Variants in CARS1 observed in about 807,000 individuals in gnomAD.
CARS1 encodes cysteine--tRNA ligase, cytoplasmic.
CARS1 carries 48 observed loss-of-function variants against 106.2 expected under a neutral mutation model. That is an observed-to-expected ratio of 0.45 (90% CI 0.36 to 0.57). The LOEUF (loss-of-function observed/expected upper bound fraction) is 0.57. Among genes scored for constraint, CARS1 ranks in the 20% least tolerant of loss-of-function variants. The probability of loss-of-function intolerance (pLI) is 0.00; values close to 1 mark genes in which losing one functional copy is unlikely to be tolerated. For missense variants in CARS1, 968 were observed against 1,057.2 expected (o/e 0.92, Z 1.17); for synonymous variants, 409 against 403.4 (o/e 1.01, Z -0.17).
intron 1 of CARS1, chr11:3,055,052 T>A (rs1856062093): frequency 2.9e-6 from 2 of 685,464 alleles, no homozygotes; most frequent in South Asian, 3.1e-5. Flanking sequence ...GTACACCCAG[T>A]GAGATCAGGA....
At chr11:3,024,439 TA>T (rs1351657700) in intron 10 of CARS1, among the ~76,000 whole-genome samples, 1 of 150,460 alleles carries the variant, frequency 6.6e-6, no homozygotes, top group East Asian at 2.0e-4. Context: ...TTTTTTATTT[TA>T]AAAAAAAAAT....
chr11:3,013,136 C>G (rs1008607038), intron 17 of CARS1, among the ~76,000 whole-genome samples: 2 of 151,666 alleles, frequency 1.3e-5, no homozygotes, highest in African/African-American at 4.8e-5. Flanking sequence ...GATCTGCCCG[C>G]CTTGGCCTCC....
chr11:3,038,915 G>C lies in CARS1; in HGVS notation c.651+279C>G, dbSNP rs1317619465. Reference sequence around the variant, plus strand: ...AATATTGGTAAGCATTTTTATAAGTGTAATTAGTGGCACTGTGATGAATTC... The same window carrying C: ...AATATTGGTAAGCATTTTTATAAGTCTAATTAGTGGCACTGTGATGAATTC... On this transcript the variant is annotated intron_variant, in intron 6 of 22. Coordinates refer to ENST00000380525, the MANE Select transcript of CARS1 (RefSeq NM_001014437.3). This position sits in a 1 kb window ranked among gnomAD's most constrained non-coding sequence, Gnocchi z 4.0. Among the ~76,000 whole-genome samples, 1 of 152,074 alleles carries C rather than the reference G, an allele frequency of 6.6e-6. No individual in the cohort carries two copies. The highest frequency in any genetic ancestry group is 2.4e-5 in the African/African-American group (1 of 41,368).
chr11:3,013,901 CACG>C (rs1049253964), intron 17 of CARS1, among the ~76,000 whole-genome samples: 4 of 152,116 alleles, frequency 2.6e-5, no homozygotes, highest in African/African-American at 9.7e-5. Context: ...GCTCAGCGGC[CACG>C]ACACAGGGCA....
intron 19 of CARS1, among the ~76,000 whole-genome samples, chr11:3,005,909 C>T (rs1849817048): frequency 6.6e-6 from 1 of 151,940 alleles, no homozygotes; most frequent in Non-Finnish European, 1.5e-5. Context: ...CCACACCTGG[C>T]GAGAACATTT....
In CARS1 at chr11:3,001,233, CAT is replaced by C; in HGVS notation, c.2375_2376del (p.His792ArgfsTer84). On this transcript the variant is annotated frameshift_variant, in exon 23 of 23. Coordinates refer to ENST00000380525, the MANE Select transcript of CARS1 (RefSeq NM_001014437.3). LOFTEE classifies it high-confidence loss of function. ...SKFDENGLPT[H>X]DMEGKELSKG... ...TTGCTGAGCTCTTTGCCCTCCATGT[CAT>C]GTGTGGGCAGACCCTGAAAACCCAG... is the stretch of plus-strand genomic sequence containing the variant. 1 of 1,613,758 alleles carries C rather than the reference CAT, an allele frequency of 6.2e-7. No homozygotes were observed. Among genetic ancestry groups the C allele is most frequent in the Non-Finnish European group, 8.5e-7 (1 of 1,180,032 alleles).
At chr11:3,006,652 A>G (rs1849893391) in intron 19 of CARS1, among the ~76,000 whole-genome samples, 1 of 152,152 alleles carries the variant, frequency 6.6e-6, no homozygotes, top group Non-Finnish European at 1.5e-5. Flanking sequence ...TGCGCAGGGG[A>G]GGTGACACCA....
intron 2 of CARS1, 174 bp from the exon 3 acceptor site, chr11:3,042,430 C>CTTT: frequency 1.2e-5 from 6 of 508,418 alleles, no homozygotes; most frequent in African/African-American, 2.0e-5. Flanking sequence ...ACAACTGCGT[C>CTTT]TTTTTTTTTT....
In CARS1 at chr11:3,019,211, A is replaced by G; in HGVS notation, c.1323T>C (p.Ala441=). The G allele has an allele frequency of 6.6e-7, 1 of 1,510,102 alleles. No individual in the cohort carries two copies. Among genetic ancestry groups the G allele is most frequent in the Non-Finnish European group, 8.9e-7 (1 of 1,128,058 alleles). The allele number at this position is 1,510,102 out of a possible 1,614,324, so 93.5% of individuals were successfully genotyped here. ...CSAMAGTLLG[A]SMDIHGGGFD... Reference sequence around the variant, plus strand: ...ACCCACCTCCGTGAATGTCCATCGAAGCCCCTAGGAGGGTGCCTGCCATGG... The same window carrying G: ...ACCCACCTCCGTGAATGTCCATCGAGGCCCCTAGGAGGGTGCCTGCCATGG... The change falls in exon 12 of 23, where the codon GCT becomes GCC. Residue 441 remains alanine, a synonymous_variant. Transcript: ENST00000380525. This position sits in a 1 kb window ranked among gnomAD's most constrained non-coding sequence, Gnocchi z 6.2.
Position 3,041,300 on chromosome 11 carries a change from C to T in CARS1, c.367-316G>A, listed in dbSNP as rs144518212. On this transcript the variant is annotated intron_variant, in intron 3 of 22. Coordinates refer to ENST00000380525, the MANE Select transcript of CARS1 (RefSeq NM_001014437.3). This position sits in a 1 kb window ranked among gnomAD's most constrained non-coding sequence, Gnocchi z 4.9. ...TGCTGCTTATTTAACAATAACACAG[C>T]TAATATTTACTGAGTACCTACCATG... 1,446 of 366,902 alleles carry T rather than the reference C, an allele frequency of 3.9e-3. 21 individuals carry two copies. Among genetic ancestry groups the T allele is most frequent in the African/African-American group, 0.028 (1,338 of 47,614 alleles). 22.7% of individuals were successfully genotyped at this position (366,902 alleles called of 1,614,324 possible). A position where few individuals can be genotyped will look rare whatever the true frequency, so the allele number is the denominator to read the frequency against.
chr11:3,003,487 T>G lies in CARS1; in HGVS notation c.2218-887A>C, dbSNP rs966670682. On this transcript the variant is annotated intron_variant, in intron 20 of 22. Coordinates refer to ENST00000380525, the MANE Select transcript of CARS1 (RefSeq NM_001014437.3). This position sits in a 1 kb window ranked among gnomAD's most constrained non-coding sequence, Gnocchi z 4.8. ...GGTAGGCAGCTGGGCAAACTGTTTTTGGGCCACCGGCTACAAGATAGATGG... is the reference window on the plus strand; with the variant it reads ...GGTAGGCAGCTGGGCAAACTGTTTTGGGGCCACCGGCTACAAGATAGATGG... Among the ~76,000 whole-genome samples the G allele has an allele frequency of 6.6e-5, 10 of 152,224 alleles. 1 individual carries two copies. The highest frequency in any genetic ancestry group is 2.4e-4 in the African/African-American group (10 of 41,538).
chr11:3,020,398 C>T lies in CARS1; in HGVS notation c.1154-66G>A, dbSNP rs1332018748. 1 of 937,026 alleles carries T rather than the reference C, an allele frequency of 1.1e-6. No individual in the cohort carries two copies. The highest frequency in any genetic ancestry group is 1.8e-6 in the Non-Finnish European group (1 of 569,138). The allele number at this position is 937,026 out of a possible 1,614,324, so 58.0% of individuals were successfully genotyped here. On this transcript the variant is annotated intron_variant, in intron 10 of 22. Coordinates refer to ENST00000380525, the MANE Select transcript of CARS1 (RefSeq NM_001014437.3). The surrounding 1 kb of genome is among the most constrained non-coding windows in gnomAD (Gnocchi z 4.6). Reference sequence around the variant, plus strand: ...ACCCACAGACCCACATGTCTCACTTCAAGGCCATCCACGGTGCCTAATGGG... The same window carrying T: ...ACCCACAGACCCACATGTCTCACTTTAAGGCCATCCACGGTGCCTAATGGG...
In CARS1 at chr11:3,004,911, G is replaced by C. The variant is rs534416614; in HGVS notation, c.2217+455C>G. Among the ~76,000 whole-genome samples, 36 of 152,168 alleles carry C rather than the reference G, an allele frequency of 2.4e-4. No homozygotes were observed. In the South Asian group the frequency reaches 2.5e-3, roughly 11 times the overall value. Reference sequence around the variant, plus strand: ...TCACGAGGTCAGGAGATTGAGACCAGCCTGACCAACATGGTGAAACCCCAT... The same window carrying C: ...TCACGAGGTCAGGAGATTGAGACCACCCTGACCAACATGGTGAAACCCCAT... On this transcript the variant is annotated intron_variant, in intron 20 of 22. Transcript: ENST00000380525. This position sits in a 1 kb window ranked among gnomAD's most constrained non-coding sequence, Gnocchi z 5.2.
intron 1 of CARS1, among the ~76,000 whole-genome samples, chr11:3,049,883 G>C (rs538262755): frequency 2.0e-5 from 3 of 152,146 alleles, no homozygotes; most frequent in Non-Finnish European, 2.9e-5. Flanking sequence ...GTGTTGCGGG[G>C]GTAACTGCAC....
At position 3,041,751 on chromosome 11, in the gene CARS1, G is replaced by C. The variant is rs1854483911; in HGVS notation, c.366+414C>G. On this transcript the variant is annotated intron_variant, in intron 3 of 22. Transcript: ENST00000380525. This position sits in a 1 kb window ranked among gnomAD's most constrained non-coding sequence, Gnocchi z 4.9. ...TCCTGCCTTCTTCTCAAAACCTGCT[G>C]TGCTCCCAACAACATCCAGCCAGTT... Among the ~76,000 whole-genome samples, 1 of 152,170 alleles carries C rather than the reference G, an allele frequency of 6.6e-6. No individual in the cohort carries two copies. The highest frequency in any genetic ancestry group is 2.4e-5 in the African/African-American group (1 of 41,432).
chr11:3,007,120 C>T, intron 18 of CARS1, 161 bp from the exon 19 acceptor site: 8 of 629,842 alleles, frequency 1.3e-5, no homozygotes, highest in South Asian at 1.1e-4. Flanking sequence ...ACGAGTACCT[C>T]CTCCAGTGCT....
chr11:3,034,634 A>T lies in CARS1; in HGVS notation c.801+3416T>A, dbSNP rs900561042. ...AACCTCTGACTCCCTGGTTCAAGGG[A>T]TTCTCCCACCTCAGCCTCCCAAGTA... On this transcript the variant is annotated intron_variant, in intron 7 of 22. Coordinates refer to ENST00000380525, the MANE Select transcript of CARS1 (RefSeq NM_001014437.3). The surrounding 1 kb of genome is among the most constrained non-coding windows in gnomAD (Gnocchi z 6.3). Among the ~76,000 whole-genome samples the T allele has an allele frequency of 6.6e-6, 1 of 151,882 alleles. No homozygotes were observed. Among genetic ancestry groups the T allele is most frequent in the Non-Finnish European group, 1.5e-5 (1 of 68,012 alleles).
rs1852518360 is a variant in CARS1, at chr11:3,029,771, G to A, written c.802-328C>T. 4 of 344,338 alleles carry A rather than the reference G, an allele frequency of 1.2e-5. No individual in the cohort carries two copies. Among genetic ancestry groups the A allele is most frequent in the Middle Eastern group, 8.3e-4 (1 of 1,208 alleles). 21.3% of individuals were successfully genotyped at this position (344,338 alleles called of 1,614,324 possible). A position where few individuals can be genotyped will look rare whatever the true frequency, so the allele number is the denominator to read the frequency against. On this transcript the variant is annotated intron_variant, in intron 7 of 22. Transcript: ENST00000380525. The surrounding 1 kb of genome is among the most constrained non-coding windows in gnomAD (Gnocchi z 5.9). ...CCTGGGCCGTGCAGGGCAGGGTTAT[G>A]GGCAGAGGCTGGGCAGGAGCACACA...
chr11:3,002,022 G>C lies in CARS1; in HGVS notation c.2309C>G (p.Pro770Arg). The C allele has an allele frequency of 1.2e-6, 2 of 1,613,762 alleles. No individual in the cohort carries two copies. Among genetic ancestry groups the C allele is most frequent in the East Asian group, 2.2e-5 (1 of 44,868 alleles). Residue 770 changes from proline to arginine, a missense_variant, in exon 22 of 23, where the codon CCC (proline) becomes CGC (arginine). Physicochemically the swap from Pro to Arg is moderately radical, Grantham distance 103. Coordinates refer to ENST00000380525, the MANE Select transcript of CARS1 (RefSeq NM_001014437.3). The stretch of plus-strand genomic sequence containing the variant: ...GGTTTCTGACAAGAACATCTCACTG[G>C]GGGGAATCTTCATCTTGGCCAGCTT... ...AAKLAKMKIP[P>R]SEMFLSETDK...
Sources: allele counts gnomAD v4.1 joint callset (sites outside exome capture counted in the v4.1 genomes callset), GRCh38; gene constraint gnomAD v4.1.1; non-coding constraint Gnocchi (gnomAD v3.1); transcripts MANE v1.5; gene names NCBI Gene and HGNC (gene_info 2026-07-23, HGNC 2026-07-21).